Variants in GNL2 observed in about 807,000 individuals in gnomAD.
The protein encoded by GNL2 is nucleolar GTP-binding protein 2.
In GNL2, 51 loss-of-function variants were observed where a neutral mutation model predicts 92.3. The observed-to-expected ratio is 0.55, with a 90% CI of 0.44 to 0.70. The LOEUF is 0.70. Ranked by LOEUF, GNL2 falls within the 30% of genes least tolerant of loss-of-function variation. The probability of loss-of-function intolerance (pLI) is 0.00; values close to 1 mark genes in which losing one functional copy is unlikely to be tolerated. For missense variants in GNL2, 844 were observed against 895.6 expected (o/e 0.94, Z 0.74); for synonymous variants, 283 against 300.6 (o/e 0.94, Z 0.61).
At position 37,576,575 on chromosome 1, in the gene GNL2, C is replaced by T. The variant is rs1363901887; in HGVS notation, c.910-19G>A. 3 of 1,611,808 alleles carry T rather than the reference C, an allele frequency of 1.9e-6. No homozygotes were observed. Among genetic ancestry groups the T allele is most frequent in the Admixed American group, 1.7e-5 (1 of 59,584 alleles). On this transcript the variant is annotated intron_variant, in intron 8 of 15. Transcript: ENST00000373062. ...TGTGCAACTGTTCAAAGAGAGAATA[C>T]ACAGCACATACATGCAGTCATATAT...
chr1:37,583,587 T>A (rs1006259758), intron 6 of GNL2, among the ~76,000 whole-genome samples: 3 of 152,210 alleles, frequency 2.0e-5, no homozygotes, highest in Non-Finnish European at 4.4e-5. Context: ...CTAGGCATGA[T>A]AAATTTGGCA....
At chr1:37,590,636 A>G (rs1291177156) in intron 4 of GNL2, 70 bp downstream of exon 4, 23 of 1,266,210 alleles carry the variant, frequency 1.8e-5, no homozygotes, top group Non-Finnish European at 2.5e-5. Context: ...CAAAAGACAA[A>G]TATGTTAGAG....
At chr1:37,590,642 T>C in intron 4 of GNL2, 64 bp downstream of exon 4, 1 of 1,306,190 alleles carries the variant, frequency 7.7e-7, no homozygotes, top group Non-Finnish European at 1.1e-6. Context: ...ACAAATATGT[T>C]AGAGAGGGAT....
intron 2 of GNL2, among the ~76,000 whole-genome samples, chr1:37,593,060 C>G (rs993312953): frequency 6.6e-6 from 1 of 152,008 alleles, no homozygotes; most frequent in African/African-American, 2.4e-5. Flanking sequence ...TCTAAAAAAT[C>G]TGGTTACTGT....
Position 37,583,852 on chromosome 1 carries a change from AT to A in GNL2, c.636+14del. 6.9e-7 allele frequency: 1 copy of A among 1,449,562 alleles called. No individual in the cohort carries two copies. Among genetic ancestry groups the A allele is most frequent in the Non-Finnish European group, 9.7e-7 (1 of 1,029,380 alleles). The allele number at this position is 1,449,562 out of a possible 1,614,324, so 89.8% of individuals were successfully genotyped here. ...CCAAGGAACCACTCAATGGGAGAGA[AT>A]TTAGGAGTCTTACCTTGTAGAGCTC... On this transcript the variant is annotated intron_variant, in intron 6 of 15. Transcript: ENST00000373062.
chr1:37,585,792 T>C (rs1030652906), intron 5 of GNL2, among the ~76,000 whole-genome samples: 1 of 152,276 alleles, frequency 6.6e-6, no homozygotes, highest in Admixed American at 6.5e-5. Flanking sequence ...GTAATAACAC[T>C]GATGCAGTCA....
Position 37,576,530 on chromosome 1 carries a change from A to G in GNL2, c.936T>C (p.Ser312=). ...CATTTGGATAGCCAATGAACCCAAC[A>G]CTGATCTGTTTCTTGTCAGTGTGCA... ...GKLHTDKKQI[S]VGFIGYPNVG... Residue 312 remains serine, a synonymous_variant, in exon 9 of 16, where the codon AGT becomes AGC. Coordinates refer to ENST00000373062, the MANE Select transcript of GNL2 (RefSeq NM_013285.3). 1.2e-6 allele frequency: 2 copies of G among 1,614,038 alleles called. No individual in the cohort carries two copies. Among genetic ancestry groups the G allele is most frequent in the Non-Finnish European group, 1.7e-6 (2 of 1,179,928 alleles).
chr1:37,590,412 A>G (rs778013088), intron 4 of GNL2, among the ~76,000 whole-genome samples: 2 of 152,214 alleles, frequency 1.3e-5, no homozygotes, highest in Non-Finnish European at 2.9e-5. Flanking sequence ...CGACCTATCT[A>G]TACTTTCAAG....
chr1:37,594,870 T>A (rs1397600236), intron 1 of GNL2, among the ~76,000 whole-genome samples: 1 of 152,214 alleles, frequency 6.6e-6, no homozygotes, highest in Non-Finnish European at 1.5e-5. Flanking sequence ...TGTCTGGTCC[T>A]GAAGTGATAC....
At chr1:37,583,978 G>C (rs1381109931) in intron 5 of GNL2, 45 bp from the exon 6 acceptor site, 2 of 1,058,044 alleles carry the variant, frequency 1.9e-6, no homozygotes, top group Admixed American at 3.4e-5. Context: ...GCACCATCAA[G>C]ACTAAAAGGA....
rs200271004 is a variant in GNL2, at chr1:37,587,387, C to T, written c.493G>A (p.Glu165Lys). 16 of 1,613,382 alleles carry T rather than the reference C, an allele frequency of 9.9e-6. No homozygotes were observed. Among genetic ancestry groups the T allele is most frequent in the African/African-American group, 6.7e-5 (5 of 74,974 alleles). The stretch of plus-strand genomic sequence containing the variant: ...CTCTCAGTGGACATTTCAGCATTTT[C>T]GATAAGAGACTGCATATCACTTGCA... ...LFASDMQSLIENAEMSTESYD... is the reference protein window; with the variant it reads ...LFASDMQSLIKNAEMSTESYD... Residue 165 changes from glutamate (E) to lysine (K), a missense_variant, in exon 5 of 16, where the codon GAA becomes AAA. Transcript: ENST00000373062.
chr1:37,576,076 C>A, intron 9 of GNL2: 1 of 309,160 alleles, frequency 3.2e-6, no homozygotes, highest in Non-Finnish European at 6.0e-6. Flanking sequence ...GATATGACCC[C>A]CAACTTTCAG....
chr1:37,568,741 C>T (rs1332900896), intron 13 of GNL2, 110 bp downstream of exon 13: 11 of 803,640 alleles, frequency 1.4e-5, no homozygotes, highest in South Asian at 3.3e-5. Context: ...AAAACCCAAC[C>T]GAACAAACAA....
At chr1:37,572,643 C>A (rs188207066) in intron 12 of GNL2, among the ~76,000 whole-genome samples, 2 of 152,318 alleles carry the variant, frequency 1.3e-5, no homozygotes, top group African/African-American at 4.8e-5. Flanking sequence ...ATACCTTACC[C>A]TGTGCACCTC....
intron 12 of GNL2, among the ~76,000 whole-genome samples, chr1:37,571,789 T>TA (rs557082756): frequency 0.01 from 1,551 of 152,312 alleles, 18 homozygotes; most frequent in Non-Finnish European, 0.012. Context: ...TATCTACACT[T>TA]ACTGACTACA....
Position 37,568,847 on chromosome 1 carries a change from T to C in GNL2, c.1868+4A>G. The C allele has an allele frequency of 6.2e-7, 1 of 1,606,340 alleles. No individual in the cohort carries two copies. Among genetic ancestry groups the C allele is most frequent in the Non-Finnish European group, 8.5e-7 (1 of 1,175,138 alleles). On this transcript the variant is annotated splice_donor_region_variant and intron_variant, in intron 13 of 15. Coordinates refer to ENST00000373062, the MANE Select transcript of GNL2 (RefSeq NM_013285.3). ...TGCAATTTGTGAGAAGATGAAAATATTACCTGACTGCTGAAAACTTTTTGG... is the reference window on the plus strand; with the variant it reads ...TGCAATTTGTGAGAAGATGAAAATACTACCTGACTGCTGAAAACTTTTTGG...
chr1:37,590,292 G>C (rs964925269), intron 4 of GNL2, among the ~76,000 whole-genome samples: 1 of 152,182 alleles, frequency 6.6e-6, no homozygotes, highest in Non-Finnish European at 1.5e-5. Context: ...ATTTTTAGTA[G>C]AGACAGGGTT....
intron 10 of GNL2, 25 bp from the exon 11 acceptor site, chr1:37,574,848 A>G: frequency 6.4e-7 from 1 of 1,568,760 alleles, no homozygotes. Flanking sequence ...GAAATCTCTC[A>G]CTTACAAACT....
chr1:37,581,960 G>A (rs1643776806), intron 8 of GNL2, among the ~76,000 whole-genome samples: 1 of 151,352 alleles, frequency 6.6e-6, no homozygotes, highest in Non-Finnish European at 1.5e-5. Flanking sequence ...ACCGCGCCCG[G>A]CCACATCTTT....
Sources: gnomAD v4.1 joint callset for allele counts (sites outside exome capture counted in the v4.1 genomes callset) on GRCh38, gnomAD v4.1.1 for gene constraint, MANE v1.5 for transcripts, NCBI Gene and HGNC (gene_info 2026-07-23, HGNC 2026-07-21) for gene names.